Variants in HLA-DRA observed in about 807,000 individuals in gnomAD.
HLA-DRA encodes HLA class II histocompatibility antigen, DR alpha chain.
A neutral mutation model predicts 22.1 loss-of-function variants in HLA-DRA; 8 were observed. That is an observed-to-expected ratio of 0.36 (90% confidence interval 0.21 to 0.65). The LOEUF (loss-of-function observed/expected upper bound fraction) is 0.65, where lower values mean the gene tolerates loss of function less well. Ranked by LOEUF, HLA-DRA falls within the 30% of genes least tolerant of loss-of-function variation. The pLI, the probability that HLA-DRA is intolerant of heterozygous loss-of-function variation, is 0.63. For synonymous variants in HLA-DRA, 101 were observed against 117.1 expected (o/e 0.86, Z 0.89); for missense variants, 248 against 321.3 (o/e 0.77, Z 1.74).
chr6:32,444,789 T>A lies in HLA-DRA; in HGVS notation c.*149T>A, dbSNP rs1131541. 0.15 allele frequency: 23,181 copies of A among 152,978 alleles called. 1,896 individuals are homozygous for A. Among genetic ancestry groups the A allele is most frequent in the Non-Finnish European group, 0.18 (12,181 of 68,010 alleles). 9.5% of individuals were successfully genotyped at this position (152,978 alleles called of 1,614,324 possible). A position where few individuals can be genotyped will look rare whatever the true frequency, so the allele number is the denominator to read the frequency against. On this transcript the variant is annotated 3_prime_UTR_variant, in exon 5 of 5. Transcript: ENST00000395388. The stretch of plus-strand genomic sequence containing the variant: ...TTTCCAGCCCTATAGCCACCCCAAG[T>A]GTGGATATGCCTCTTCGATTGCTCC...
chr6:32,441,230 C>T (rs761853963), intron 1 of HLA-DRA, among the ~76,000 whole-genome samples: 3 of 152,128 alleles, frequency 2.0e-5, no homozygotes, highest in Non-Finnish European at 2.9e-5. Context: ...TGGTGGCACA[C>T]GCCTGTAGTC....
At chr6:32,442,420 C>A (rs770779866) in intron 1 of HLA-DRA, 28 bp from the exon 2 acceptor site, 2 of 1,612,354 alleles carry the variant, frequency 1.2e-6, no homozygotes, top group Non-Finnish European at 1.7e-6. Context: ...CCCCACCCAA[C>A]TCTCTTTCTC....
chr6:32,441,974 C>T (rs1762646895), intron 1 of HLA-DRA, among the ~76,000 whole-genome samples: 1 of 152,070 alleles, frequency 6.6e-6, no homozygotes, highest in Admixed American at 6.5e-5. Flanking sequence ...GTTTTTGATC[C>T]CAGAGTTTAA....
At chr6:32,443,591 C>A in intron 3 of HLA-DRA, 125 bp downstream of exon 3, 1 of 1,132,542 alleles carries the variant, frequency 8.8e-7, no homozygotes, top group Non-Finnish European at 1.3e-6. Flanking sequence ...TCCTACTATC[C>A]AGCTTCCTCC....
intron 1 of HLA-DRA, 22 bp from the exon 2 acceptor site, chr6:32,442,422 CTCTT>C: frequency 6.2e-7 from 1 of 1,612,634 alleles, no homozygotes; most frequent in Non-Finnish European, 8.5e-7. Flanking sequence ...CCACCCAACT[CTCTT>C]TCTCCATTTC....
intron 1 of HLA-DRA, among the ~76,000 whole-genome samples, chr6:32,441,279 A>G (rs9268652): frequency 0.76 from 115,098 of 151,940 alleles, 43,819 homozygotes; most frequent in East Asian, 0.94. Flanking sequence ...GATTGCTTGA[A>G]CTCGGGAGGC....
chr6:32,443,570 T>C, intron 3 of HLA-DRA, 104 bp downstream of exon 3: 2 of 1,199,362 alleles, frequency 1.7e-6, no homozygotes, highest in Non-Finnish European at 2.4e-6. Flanking sequence ...ACAATTAATA[T>C]AACTGTCTTC....
intron 1 of HLA-DRA, 28 bp from the exon 2 acceptor site, chr6:32,442,420 C>T (rs770779866): frequency 5.0e-6 from 8 of 1,612,236 alleles, no homozygotes; most frequent in South Asian, 2.2e-5. Context: ...CCCCACCCAA[C>T]TCTCTTTCTC....
chr6:32,443,473 A>T lies in HLA-DRA; in HGVS notation c.610+7A>T. ...CCTCTTCTCAAGCACTGGGGTATGG[A>T]CCAACACTCAATCTCCTTTATTTCA... On this transcript the variant is annotated splice_region_variant and intron_variant, in intron 3 of 4. Transcript: ENST00000395388. The T allele has an allele frequency of 1.2e-6, 2 of 1,608,906 alleles. No homozygotes were observed. The highest frequency in any genetic ancestry group is 1.7e-6 in the Non-Finnish European group (2 of 1,176,582).
chr6:32,441,129 C>A (rs1018520490), intron 1 of HLA-DRA, among the ~76,000 whole-genome samples: 1 of 152,172 alleles, frequency 6.6e-6, no homozygotes, highest in African/African-American at 2.4e-5. Context: ...GAGGCCGAGG[C>A]GGGCGGATCA....
chr6:32,440,928 C>A (rs1762576399), intron 1 of HLA-DRA, among the ~76,000 whole-genome samples: 1 of 152,180 alleles, frequency 6.6e-6, no homozygotes, highest in Admixed American at 6.5e-5. Flanking sequence ...AAGAGCCATA[C>A]ATAGGGATAC....
intron 3 of HLA-DRA, 68 bp from the exon 4 acceptor site, chr6:32,443,688 T>A: frequency 2.9e-6 from 4 of 1,402,890 alleles, no homozygotes; most frequent in Non-Finnish European, 3.9e-6. Flanking sequence ...TTAAGAACCC[T>A]ACATTTGATT....
At chr6:32,442,790 C>A in intron 2 of HLA-DRA, 97 bp downstream of exon 2, 2 of 1,469,556 alleles carry the variant, frequency 1.4e-6, no homozygotes, top group South Asian at 1.3e-5. Flanking sequence ...CTGATTTTCC[C>A]TCCAAGGGTC....
Position 32,442,491 on chromosome 6 carries a change from C to T in HLA-DRA, c.126C>T (p.Asp42=), listed in dbSNP as rs2150374001. 1.2e-6 allele frequency: 2 copies of T among 1,613,010 alleles called. No homozygotes were observed. Among genetic ancestry groups the T allele is most frequent in the South Asian group, 2.2e-5 (2 of 91,084 alleles). Residue 42 remains aspartate, a synonymous_variant, in exon 2 of 5, where the codon GAC becomes GAT. Coordinates refer to ENST00000395388, the MANE Select transcript of HLA-DRA (RefSeq NM_019111.5). ...IIQAEFYLNP[D]QSGEFMFDFD... Reference sequence around the variant, plus strand: ...AGGCCGAGTTCTATCTGAATCCTGACCAATCAGGCGAGTTTATGTTTGACT... The same window carrying T: ...AGGCCGAGTTCTATCTGAATCCTGATCAATCAGGCGAGTTTATGTTTGACT...
At position 32,439,922 on chromosome 6, in the gene HLA-DRA, TGACTCCCAACA is replaced by T; in HGVS notation, c.-26_-16del. The T allele has an allele frequency of 6.3e-7, 1 of 1,594,086 alleles. No individual in the cohort carries two copies. Among genetic ancestry groups the T allele is most frequent in the Non-Finnish European group, 8.6e-7 (1 of 1,161,840 alleles). The stretch of plus-strand genomic sequence containing the variant: ...GTTCTGCCTCACTCCCGAGCTCTAC[TGACTCCCAACA>T]GAGCGCCCAAGAAGAAAATGGCCAT... On this transcript the variant is annotated 5_prime_UTR_variant, in exon 1 of 5. Transcript: ENST00000395388.
chr6:32,443,499 AG>A (rs1762746278), intron 3 of HLA-DRA, 33 bp downstream of exon 3: 1 of 1,587,440 alleles, frequency 6.3e-7, no homozygotes. Context: ...CTTTATTTCA[AG>A]GTTTCCTCCT....
In HLA-DRA at chr6:32,442,438, T is replaced by C. The variant is rs3129885; in HGVS notation, c.83-10T>C. On this transcript the variant is annotated splice_polypyrimidine_tract_variant and intron_variant, in intron 1 of 4. Transcript: ENST00000395388. ...CACCCAACTCTCTTTCTCCATTTCT[T>C]GCCTTTCAGAAGAACATGTGATCAT... is the stretch of plus-strand genomic sequence containing the variant. 273,619 of 1,611,350 alleles carry C rather than the reference T, an allele frequency of 0.17. 25,119 individuals are homozygous for C. Among genetic ancestry groups the C allele is most frequent in the Non-Finnish European group, 0.18 (215,420 of 1,178,544 alleles).
chr6:32,444,919 A>G lies in HLA-DRA; in HGVS notation c.*279A>G, dbSNP rs1351295044. On this transcript the variant is annotated 3_prime_UTR_variant, in exon 5 of 5. Coordinates refer to ENST00000395388, the MANE Select transcript of HLA-DRA (RefSeq NM_019111.5). ...TCACCATGCAATGCCTCTGGAATAAAACATACAGGAGTCTGTCTCTGCTAT... is the reference window on the plus strand; with the variant it reads ...TCACCATGCAATGCCTCTGGAATAAGACATACAGGAGTCTGTCTCTGCTAT... 1.3e-5 allele frequency: 2 copies of G among 154,302 alleles called. No homozygotes were observed. The highest frequency in any genetic ancestry group is 2.4e-5 in the African/African-American group (1 of 41,488). The allele number at this position is 154,302 out of a possible 1,614,324, so 9.6% of individuals were successfully genotyped here.
intron 1 of HLA-DRA, among the ~76,000 whole-genome samples, chr6:32,442,167 C>T (rs959208473): frequency 6.6e-6 from 1 of 152,158 alleles, no homozygotes; most frequent in Admixed American, 6.5e-5. Context: ...TAACATGGAG[C>T]CAAACAACAG....
Sources: gnomAD v4.1 joint callset for allele counts (sites outside exome capture counted in the v4.1 genomes callset) on GRCh38, gnomAD v4.1.1 for gene constraint, MANE v1.5 for transcripts, NCBI Gene and HGNC (gene_info 2026-07-23, HGNC 2026-07-21) for gene names.